ATF7IP: variants seen among roughly 807,000 people sequenced by gnomAD.
ATF7IP encodes activating transcription factor 7 interacting protein.
A neutral mutation model predicts 106.4 loss-of-function variants in ATF7IP; 23 were observed. The ratio of observed to expected loss-of-function variants is 0.22; its 90% CI spans 0.16 to 0.31. ATF7IP has a LOEUF of 0.31. Among genes scored for constraint, ATF7IP ranks in the 10% least tolerant of loss-of-function variants. ATF7IP has a pLI of 1.00. For missense variants in ATF7IP, 1,334 were observed against 1,524.3 expected, an observed-to-expected ratio of 0.88 and a Z score of 2.08; for synonymous variants, 542 against 539.0, an observed-to-expected ratio of 1.01 and a Z score of -0.08.
At chr12:14,404,240 T>C (rs765126152) in intron 1 of ATF7IP, among the ~76,000 whole-genome samples, 2 of 151,800 alleles carry the variant, frequency 1.3e-5, no homozygotes, top group South Asian at 2.1e-4. Context: ...TAGAAAAATA[T>C]CCATATATTG....
Position 14,498,217 on chromosome 12 carries a change from C to G in ATF7IP, c.*144C>G, listed in dbSNP as rs1591985195. 2 of 763,818 alleles carry G rather than the reference C, an allele frequency of 2.6e-6. No homozygotes were observed. Among genetic ancestry groups the G allele is most frequent in the South Asian group, 4.3e-5 (2 of 46,966 alleles). 47.3% of individuals were successfully genotyped at this position (763,818 alleles called of 1,614,324 possible). A position where few individuals can be genotyped will look rare whatever the true frequency, so the allele number is the denominator to read the frequency against. On this transcript the variant is annotated 3_prime_UTR_variant, in exon 15 of 15. Coordinates refer to ENST00000261168, the MANE Select transcript of ATF7IP (RefSeq NM_018179.5). ...TGTATACACTACATTTGTTTATAAC[C>G]AGAAGCAAAATAAACTCAGCCCACA...
intron 1 of ATF7IP, among the ~76,000 whole-genome samples, chr12:14,404,734 C>T (rs1940461500): frequency 6.6e-6 from 1 of 151,982 alleles, no homozygotes; most frequent in Admixed American, 6.6e-5. Context: ...AAATGTACAA[C>T]TTAGTAACAA....
At chr12:14,402,040 C>T (rs538930941) in intron 1 of ATF7IP, among the ~76,000 whole-genome samples, 1 of 151,128 alleles carries the variant, frequency 6.6e-6, no homozygotes, top group East Asian at 1.9e-4. Context: ...GCTAGTCATG[C>T]TACAAAATAT....
chr12:14,434,618 GTTTA>G (rs1224769270), intron 3 of ATF7IP, among the ~76,000 whole-genome samples, 195 bp downstream of exon 3: 1 of 152,020 alleles, frequency 6.6e-6, no homozygotes, highest in Non-Finnish European at 1.5e-5. Context: ...ATTTTATTTT[GTTTA>G]TTTATACTTT....
At chr12:14,440,951 A>G (rs894683457) in intron 5 of ATF7IP, among the ~76,000 whole-genome samples, 4 of 152,220 alleles carry the variant, frequency 2.6e-5, no homozygotes, top group African/African-American at 4.8e-5. Flanking sequence ...ATATGGCGGT[A>G]TATGCCACAT....
At chr12:14,393,895 C>G (rs769804304) in intron 1 of ATF7IP, among the ~76,000 whole-genome samples, 22 of 152,190 alleles carry the variant, frequency 1.4e-4, no homozygotes, top group Admixed American at 5.9e-4. Context: ...GATAATGACT[C>G]AACTCTTGCC....
intron 1 of ATF7IP, among the ~76,000 whole-genome samples, chr12:14,407,141 A>G (rs564677491): frequency 4.6e-4 from 70 of 152,328 alleles, no homozygotes; most frequent in African/African-American, 1.6e-3. Context: ...CGTAGTGTCA[A>G]ATATATGAAT....
In ATF7IP at chr12:14,501,512, A is replaced by C. The variant is rs1359050460; in HGVS notation, c.*3439A>C. The C allele has an allele frequency of 6.6e-6, 1 of 152,234 alleles. No homozygotes were observed. The highest frequency in any genetic ancestry group is 1.5e-5 in the Non-Finnish European group (1 of 68,036). 9.4% of individuals were successfully genotyped at this position (152,234 alleles called of 1,614,324 possible). ...ACATACGAAGACGTCTGTTGCTAAC[A>C]GTTAACTTTATGAGGTAACTATATC... On this transcript the variant is annotated 3_prime_UTR_variant, in exon 15 of 15. Transcript: ENST00000261168.
chr12:14,453,928 G>A (rs1188434321), intron 6 of ATF7IP, among the ~76,000 whole-genome samples: 1 of 152,090 alleles, frequency 6.6e-6, no homozygotes, highest in Non-Finnish European at 1.5e-5. Flanking sequence ...CCTGGCCAGA[G>A]TGTCTTAATG....
In ATF7IP at chr12:14,423,029, A is replaced by G. The variant is rs193042725; in HGVS notation, c.-7-880A>G. Among the ~76,000 whole-genome samples the G allele has an allele frequency of 1.7e-3, 266 of 152,164 alleles. 1 individual carries two copies. Among genetic ancestry groups the G allele is most frequent in the African/African-American group, 6.3e-3 (260 of 41,542 alleles). ...CCCACTATCATTGTATGAAAGTTCC[A>G]GTTTTTTCACATCCTTGCCAACACT... On this transcript the variant is annotated intron_variant, in intron 1 of 14. Transcript: ENST00000261168.
rs561277973 is a variant in ATF7IP at position 14,424,289 on chromosome 12, T to C, written c.374T>C (p.Leu125Pro). 6.8e-6 allele frequency: 11 copies of C among 1,614,212 alleles called. No homozygotes were observed. The African/African-American group carries it at 1.2e-4, about 18-fold the overall frequency. The change falls in exon 2 of 15, where the codon CTG becomes CCG. Residue 125 changes from leucine (L) to proline (P), a missense_variant. By Grantham distance (98) the Leu-to-Pro change is moderately conservative (BLOSUM62 -3). Transcript: ENST00000261168. ...HNITPEPVSKLPAEPVSGDPA... is the reference protein window; with the variant it reads ...HNITPEPVSKPPAEPVSGDPA... ...ATAACTCCAGAACCAGTCTCTAAACTGCCTGCTGAACCAGTTTCTGGTGAT... is the reference window on the plus strand; with the variant it reads ...ATAACTCCAGAACCAGTCTCTAAACCGCCTGCTGAACCAGTTTCTGGTGAT...
At chr12:14,408,120 A>ACACG (rs2136488137) in intron 1 of ATF7IP, among the ~76,000 whole-genome samples, 2 of 151,140 alleles carry the variant, frequency 1.3e-5, no homozygotes, top group South Asian at 4.2e-4. Flanking sequence ...TGATGTGCAC[A>ACACG]CACACACACA....
chr12:14,424,859 A>C lies in ATF7IP; in HGVS notation c.944A>C (p.Asp315Ala). 6.2e-7 allele frequency: 1 copy of C among 1,612,074 alleles called. No individual in the cohort carries two copies. Among genetic ancestry groups the C allele is most frequent in the East Asian group, 2.2e-5 (1 of 44,870 alleles). Residue 315 changes from aspartate to alanine, a missense_variant, in exon 2 of 15, where the codon GAT becomes GCT. Around this residue, in one of 10 missense-constraint regions of ATF7IP, gnomAD observed 438 missense variants for 405.3 expected, o/e 1.08. Transcript: ENST00000261168. ...NIEPSSNKDD[D>A]FLEKNGADEK... is the part of the protein sequence containing the mutation. Reference sequence around the variant, plus strand: ...GAACCAAGTAGCAATAAAGATGATGATTTTCTTGAAAAAAATGGAGCTGAT... The same window carrying C: ...GAACCAAGTAGCAATAAAGATGATGCTTTTCTTGAAAAAAATGGAGCTGAT...
chr12:14,472,921 C>T (rs1390763233), intron 10 of ATF7IP, among the ~76,000 whole-genome samples: 1 of 152,156 alleles, frequency 6.6e-6, no homozygotes, highest in Non-Finnish European at 1.5e-5. Flanking sequence ...CATGGTTCTA[C>T]AGCAGCATTT....
rs1461178259 is a variant in ATF7IP, at chr12:14,486,914, G to A, written c.3280+5729G>A. The stretch of plus-strand genomic sequence containing the variant: ...AGTGCTGCCCTCACAAATCTGTTTC[G>A]CAAGGCATTGGTCAAGGGTATATCT... On this transcript the variant is annotated intron_variant, in intron 13 of 14. Coordinates refer to ENST00000261168, the MANE Select transcript of ATF7IP (RefSeq NM_018179.5). 4.6e-5 allele frequency among the ~76,000 whole-genome samples: 7 copies of A among 152,092 alleles called. No individual in the cohort carries two copies. The South Asian group carries it at 8.3e-4, about 18-fold the overall frequency.
intron 1 of ATF7IP, among the ~76,000 whole-genome samples, chr12:14,418,838 C>A (rs1248648080): frequency 6.6e-6 from 1 of 152,036 alleles, no homozygotes. Context: ...TTTATTATTA[C>A]TGAAGTTAAT....
intron 1 of ATF7IP, among the ~76,000 whole-genome samples, chr12:14,403,445 C>T (rs1322208032): frequency 6.6e-6 from 1 of 152,140 alleles, no homozygotes; most frequent in East Asian, 1.9e-4. Context: ...AACATAGTCA[C>T]AGTCAGGCTC....
chr12:14,441,808 C>T (rs928362704), intron 5 of ATF7IP, among the ~76,000 whole-genome samples: 1 of 152,036 alleles, frequency 6.6e-6, no homozygotes, highest in Non-Finnish European at 1.5e-5. Flanking sequence ...AAACTCACCG[C>T]ACCCGGCCCA....
At chr12:14,497,378 G>A (rs1487566727) in intron 14 of ATF7IP, among the ~76,000 whole-genome samples, 1 of 152,112 alleles carries the variant, frequency 6.6e-6, no homozygotes, top group Non-Finnish European at 1.5e-5. Context: ...TCAAAATGAT[G>A]TTCCGTCAGC....
Sources: gnomAD v4.1 joint callset for allele counts (sites outside exome capture counted in the v4.1 genomes callset) on GRCh38, gnomAD v4.1.1 for gene constraint, gnomAD v4.1.1 regional missense constraint, MANE v1.5 for transcripts, NCBI Gene and HGNC (gene_info 2026-07-23, HGNC 2026-07-21) for gene names.